HUS1: variants seen among roughly 807,000 people sequenced by gnomAD.
HUS1 encodes checkpoint protein HUS1.
In HUS1, 31 loss-of-function variants were observed where a neutral mutation model predicts 32.6. That is an observed-to-expected ratio of 0.95 (90% confidence interval 0.72 to 1.28). The LOEUF (loss-of-function observed/expected upper bound fraction) is 1.28, where lower values mean the gene tolerates loss of function less well. Among genes scored for constraint, HUS1 ranks in the 50% most tolerant of loss-of-function variants. The pLI is 0.00. For missense variants in HUS1, 340 were observed against 337.7 expected (o/e 1.01, Z -0.05); for synonymous variants, 123 against 116.6 (o/e 1.06, Z -0.36).
intron 5 of HUS1, among the ~76,000 whole-genome samples, chr7:47,975,136 A>AC (rs1349359824): frequency 7.0e-6 from 1 of 143,244 alleles, no homozygotes; most frequent in Non-Finnish European, 1.5e-5. Context: ...ACACGGTGAA[A>AC]CCCCGTCTGT....
At chr7:47,966,573 A>G (rs1223642723) in intron 7 of HUS1, among the ~76,000 whole-genome samples, 1 of 152,128 alleles carries the variant, frequency 6.6e-6, no homozygotes, top group Non-Finnish European at 1.5e-5. Flanking sequence ...CTCACCATTC[A>G]CACTGTGCTT....
At chr7:47,976,497 T>C (rs1251478465) in intron 4 of HUS1, 8 of 584,400 alleles carry the variant, frequency 1.4e-5, no homozygotes, top group Non-Finnish European at 2.6e-5. Flanking sequence ...ATCATTTGTG[T>C]TTTAAGTGAT....
At chr7:47,969,710 C>T (rs1007925534) in intron 5 of HUS1, among the ~76,000 whole-genome samples, 1 of 151,784 alleles carries the variant, frequency 6.6e-6, no homozygotes. Context: ...GAAGGAACCA[C>T]GGGAAGTAAG....
intron 5 of HUS1, chr7:47,971,578 C>A (rs1348470243): frequency 2.2e-6 from 1 of 456,136 alleles, no homozygotes; most frequent in Non-Finnish European, 4.4e-6. Flanking sequence ...CTGGTCCACT[C>A]CCGCACCTAC....
intron 4 of HUS1, chr7:47,976,514 G>A (rs758570176): frequency 2.1e-5 from 13 of 608,590 alleles, no homozygotes; most frequent in Non-Finnish European, 3.7e-5. Context: ...TGATGTTACT[G>A]AGCGAGACAT....
intron 7 of HUS1, among the ~76,000 whole-genome samples, chr7:47,966,469 A>C (rs948986832): frequency 6.6e-5 from 10 of 152,170 alleles, no homozygotes; most frequent in Non-Finnish European, 1.2e-4. Context: ...GAAAGTCCCC[A>C]AAATACCAAG....
chr7:47,974,248 G>A (rs1389858994), intron 5 of HUS1, among the ~76,000 whole-genome samples: 2 of 152,192 alleles, frequency 1.3e-5, no homozygotes, highest in Admixed American at 6.5e-5. Context: ...GGGCAGCTGG[G>A]ACACAAAGAT....
At chr7:47,968,310 GTACCAA>G in intron 6 of HUS1, among the ~76,000 whole-genome samples, 1 of 151,484 alleles carries the variant, frequency 6.6e-6, no homozygotes, top group Admixed American at 6.6e-5. Context: ...CTCTGAGAAA[GTACCAA>G]AGATAAGTCC....
chr7:47,973,228 C>T (rs1788634039), intron 5 of HUS1, among the ~76,000 whole-genome samples: 1 of 152,140 alleles, frequency 6.6e-6, no homozygotes, highest in South Asian at 2.1e-4. Flanking sequence ...CAGGTAATAT[C>T]TTTTTAGCAG....
chr7:47,975,435 G>C (rs1026864844), intron 5 of HUS1, among the ~76,000 whole-genome samples, 178 bp downstream of exon 5: 1 of 152,122 alleles, frequency 6.6e-6, no homozygotes, highest in Non-Finnish European at 1.5e-5. Flanking sequence ...AAAAGTATTG[G>C]AATAGGTTTC....
At chr7:47,973,741 A>G (rs1788643811) in intron 5 of HUS1, among the ~76,000 whole-genome samples, 2 of 152,174 alleles carry the variant, frequency 1.3e-5, no homozygotes, top group Admixed American at 6.5e-5. Context: ...CAATATTTCT[A>G]TGTTTTTTTA....
rs546555652 is a variant in HUS1, at chr7:47,969,378, T to C, written c.541-60A>G. On this transcript the variant is annotated intron_variant, in intron 5 of 7. Coordinates refer to ENST00000258774, the MANE Select transcript of HUS1 (RefSeq NM_004507.4). Reference sequence around the variant, plus strand: ...GGAAGCCAAAAGGAAAAAAACTCCATGGGCAACAGCTTTCACACAACCAGA... The same window carrying C: ...GGAAGCCAAAAGGAAAAAAACTCCACGGGCAACAGCTTTCACACAACCAGA... 89 of 874,536 alleles carry C rather than the reference T, an allele frequency of 1.0e-4. No homozygotes were observed. In the African/African-American group the frequency reaches 1.3e-3, roughly 13 times the overall value. The allele number at this position is 874,536 out of a possible 1,614,324, so 54.2% of individuals were successfully genotyped here. A position where few individuals can be genotyped will look rare whatever the true frequency, so the allele number is the denominator to read the frequency against.
chr7:47,970,094 G>A (rs1025057995), intron 5 of HUS1, among the ~76,000 whole-genome samples: 1 of 151,684 alleles, frequency 6.6e-6, no homozygotes, highest in Non-Finnish European at 1.5e-5. Context: ...TTAGCCGGGC[G>A]TGGTGGCGGG....
intron 7 of HUS1, 64 bp from the exon 8 acceptor site, chr7:47,965,502 TTTCAG>T (rs1788459483): frequency 8.3e-7 from 1 of 1,198,560 alleles, no homozygotes; most frequent in Non-Finnish European, 1.2e-6. Context: ...ATCTCTACTT[TTTCAG>T]AACAGCCTTC....
rs1296244296 is a variant in HUS1 at position 47,979,498 on chromosome 7, C to T, written c.22G>A (p.Val8Met). The stretch of plus-strand genomic sequence containing the variant: ...AAGTGGTTCAGACAGGCCCCGTCCA[C>T]GATCTTGGCCCGAAACTTCATGGCC... MKFRAKI[V>M]DGACLNHFTR... Residue 8 changes from valine (V) to methionine (M), a missense_variant, in exon 1 of 8, where the codon GTG (valine) becomes ATG (methionine). Coordinates refer to ENST00000258774, the MANE Select transcript of HUS1 (RefSeq NM_004507.4). 2 of 1,612,946 alleles carry T rather than the reference C, an allele frequency of 1.2e-6. No individual in the cohort carries two copies. The highest frequency in any genetic ancestry group is 1.1e-5 in the South Asian group (1 of 91,080).
chr7:47,971,393 C>A, intron 5 of HUS1: 1 of 446,720 alleles, frequency 2.2e-6, no homozygotes, highest in South Asian at 1.6e-5. Context: ...TACCATCGGG[C>A]ACCCCTCTTC....
At chr7:47,976,872 T>C in intron 3 of HUS1, 35 bp from the exon 4 acceptor site, 1 of 1,420,176 alleles carries the variant, frequency 7.0e-7, no homozygotes, top group Non-Finnish European at 9.9e-7. Context: ...ATTTTTATGT[T>C]GTTAATATTA....
intron 5 of HUS1, among the ~76,000 whole-genome samples, chr7:47,972,844 G>C (rs1425671400): frequency 1.3e-5 from 2 of 152,152 alleles, no homozygotes; most frequent in African/African-American, 4.8e-5. Flanking sequence ...TGACCCTGCA[G>C]AGCCGTTTCT....
At chr7:47,979,117 G>C (rs1788771601) in intron 1 of HUS1, among the ~76,000 whole-genome samples, 1 of 152,096 alleles carries the variant, frequency 6.6e-6, no homozygotes, top group African/African-American at 2.4e-5. Context: ...TTAAATGCAA[G>C]GTTAGGCACT....
Sources: allele counts gnomAD v4.1 joint callset (sites outside exome capture counted in the v4.1 genomes callset), GRCh38; gene constraint gnomAD v4.1.1; transcripts MANE v1.5; gene names NCBI Gene and HGNC (gene_info 2026-07-23, HGNC 2026-07-21).